Variants in POC5 observed in about 807,000 individuals in gnomAD.
The protein encoded by POC5 is centrosomal protein POC5.
POC5 carries 48 observed loss-of-function variants against 62.9 expected under a neutral mutation model. The observed-to-expected ratio is 0.76, with a 90% CI of 0.61 to 0.97. The LOEUF (loss-of-function observed/expected upper bound fraction) is 0.97. POC5 is among the 50% of genes least tolerant of loss of function. The probability of loss-of-function intolerance (pLI) is 0.00; values close to 1 mark genes in which losing one functional copy is unlikely to be tolerated. For synonymous variants in POC5, 236 were observed against 228.2 expected, an observed-to-expected ratio of 1.03 and a Z score of -0.31; for missense variants, 696 against 679.5, an observed-to-expected ratio of 1.02 and a Z score of -0.27.
intron 11 of POC5, among the ~76,000 whole-genome samples, chr5:75,676,185 C>T (rs1183427299): frequency 6.6e-6 from 1 of 152,202 alleles, no homozygotes; most frequent in Non-Finnish European, 1.5e-5. Flanking sequence ...AAAAAATAAA[C>T]ACACATGTGC....
intron 5 of POC5, among the ~76,000 whole-genome samples, chr5:75,697,313 C>T (rs4703680): frequency 0.24 from 37,056 of 151,760 alleles, 4,700 homozygotes; most frequent in South Asian, 0.32. Context: ...AGAGAAAGGT[C>T]GGGTTACCCT....
chr5:75,685,614 T>A lies in POC5; in HGVS notation c.1130-130A>T, dbSNP rs531078776. Reference sequence around the variant, plus strand: ...ATTTAGATGTTTACAGTATATTAGATACAATGTTCAGTTAATACAGTTTGT... The same window carrying A: ...ATTTAGATGTTTACAGTATATTAGAAACAATGTTCAGTTAATACAGTTTGT... On this transcript the variant is annotated intron_variant, in intron 9 of 11. Transcript: ENST00000428202. The A allele has an allele frequency of 1.2e-3, 1,100 of 893,732 alleles. 3 individuals are homozygous for A. Among genetic ancestry groups the A allele is most frequent in the Non-Finnish European group, 1.3e-3 (782 of 588,094 alleles). The allele number at this position is 893,732 out of a possible 1,614,324, so 55.4% of individuals were successfully genotyped here.
At chr5:75,701,962 C>T (rs1055066193) in intron 5 of POC5, among the ~76,000 whole-genome samples, 7 of 152,200 alleles carry the variant, frequency 4.6e-5, no homozygotes, top group Non-Finnish European at 8.8e-5. Context: ...GGTAAAGGCA[C>T]AGTATGTCTC....
intron 11 of POC5, among the ~76,000 whole-genome samples, chr5:75,674,780 A>G (rs1775590938): frequency 6.6e-6 from 1 of 152,212 alleles, no homozygotes; most frequent in Non-Finnish European, 1.5e-5. Flanking sequence ...TGACATGTTC[A>G]ACACCCACAG....
At chr5:75,695,545 A>G (rs1430383511) in intron 5 of POC5, among the ~76,000 whole-genome samples, 1 of 152,162 alleles carries the variant, frequency 6.6e-6, no homozygotes, top group African/African-American at 2.4e-5. Flanking sequence ...AAAAATATAA[A>G]TGCCACAGAA....
At position 75,690,582 on chromosome 5, in the gene POC5, A is replaced by T; in HGVS notation, c.796-20T>A. Reference sequence around the variant, plus strand: ...ATAAACCTAAATAAAAGTAAAATATAACTTCAAAAACACAGTTGATTGATA... The same window carrying T: ...ATAAACCTAAATAAAAGTAAAATATTACTTCAAAAACACAGTTGATTGATA... On this transcript the variant is annotated intron_variant, in intron 7 of 11. Transcript: ENST00000428202. The T allele has an allele frequency of 6.6e-7, 1 of 1,507,094 alleles. No individual in the cohort carries two copies. The highest frequency in any genetic ancestry group is 9.0e-7 in the Non-Finnish European group (1 of 1,115,972). The allele number at this position is 1,507,094 out of a possible 1,614,324, so 93.4% of individuals were successfully genotyped here.
At position 75,677,925 on chromosome 5, in the gene POC5, G is replaced by C. The variant is rs1330790023; in HGVS notation, c.1433C>G (p.Ala478Gly). ...EMYVPRVVTS[A>G]QQKAGRTITA... Reference sequence around the variant, plus strand: ...AATAGTTCTTCCTGCTTTCTGTTGTGCAGAGGTTACAACTCTTGGCACATA... The same window carrying C: ...AATAGTTCTTCCTGCTTTCTGTTGTCCAGAGGTTACAACTCTTGGCACATA... The change falls in exon 11 of 12, where the codon GCA (alanine) becomes GGA (glycine). Residue 478 changes from alanine to glycine, a missense_variant. Physicochemically the swap from Ala to Gly is moderately conservative, Grantham distance 60. Transcript: ENST00000428202. The C allele has an allele frequency of 6.2e-7, 1 of 1,601,948 alleles. No individual in the cohort carries two copies. The highest frequency in any genetic ancestry group is 1.7e-5 in the Admixed American group (1 of 58,536).
intron 11 of POC5, 83 bp downstream of exon 11, chr5:75,677,684 ATCTTCTC>A (rs1775721469): frequency 1.9e-6 from 2 of 1,071,616 alleles, no homozygotes; most frequent in Middle Eastern, 4.8e-4. Context: ...ATAAATTTTT[ATCTTCTC>A]AACATGTTAT....
At chr5:75,702,028 G>A (rs1380707729) in intron 5 of POC5, among the ~76,000 whole-genome samples, 1 of 152,140 alleles carries the variant, frequency 6.6e-6, no homozygotes, top group East Asian at 1.9e-4. Flanking sequence ...GGAGCATGTA[G>A]AACCGTTCCA....
chr5:75,699,320 C>T (rs1159866231), intron 5 of POC5, among the ~76,000 whole-genome samples: 8 of 151,556 alleles, frequency 5.3e-5, no homozygotes, highest in East Asian at 3.9e-4. Flanking sequence ...AAATCCTCAA[C>T]AAAATACTGG....
intron 9 of POC5, among the ~76,000 whole-genome samples, chr5:75,688,381 G>A (rs750125324): frequency 2.0e-4 from 30 of 152,166 alleles, no homozygotes; most frequent in Non-Finnish European, 4.0e-4. Flanking sequence ...ATCTAAGGCC[G>A]AATGAGGAAA....
intron 9 of POC5, among the ~76,000 whole-genome samples, chr5:75,688,270 G>A (rs577615880): frequency 3.9e-4 from 59 of 152,256 alleles, no homozygotes; most frequent in African/African-American, 1.1e-3. Flanking sequence ...AGTGCATTTT[G>A]TCTTTTAAAG....
intron 9 of POC5, 121 bp from the exon 10 acceptor site, chr5:75,685,605 T>C: frequency 1.1e-6 from 1 of 935,660 alleles, no homozygotes; most frequent in Non-Finnish European, 1.6e-6. Context: ...ATGTTTACAG[T>C]ATATTAGATA....
intron 2 of POC5, among the ~76,000 whole-genome samples, chr5:75,709,836 C>T (rs1167052011): frequency 6.6e-6 from 1 of 152,204 alleles, no homozygotes; most frequent in Non-Finnish European, 1.5e-5. Context: ...TGCATAGAGA[C>T]TGTAACTAAT....
intron 5 of POC5, among the ~76,000 whole-genome samples, chr5:75,698,890 C>T (rs958363130): frequency 4.6e-5 from 7 of 152,132 alleles, no homozygotes; most frequent in African/African-American, 1.7e-4. Flanking sequence ...GGGGATATCA[C>T]CACCAATCCC....
At chr5:75,693,603 C>T (rs925956246) in intron 6 of POC5, among the ~76,000 whole-genome samples, 2 of 150,414 alleles carry the variant, frequency 1.3e-5, no homozygotes, top group Non-Finnish European at 3.0e-5. Flanking sequence ...AAGAAAATGA[C>T]TGACATTAAA....
chr5:75,691,924 G>T (rs1244042043), intron 7 of POC5, among the ~76,000 whole-genome samples: 2 of 152,094 alleles, frequency 1.3e-5, no homozygotes. Flanking sequence ...AAGCTGTACA[G>T]GTATGGCTTT....
chr5:75,678,464 C>T (rs997412945), intron 10 of POC5, among the ~76,000 whole-genome samples: 1 of 152,162 alleles, frequency 6.6e-6, no homozygotes, highest in Admixed American at 6.5e-5. Context: ...TCATATCCAT[C>T]TCTCTGTTCC....
In POC5 at chr5:75,679,827, G is replaced by C. The variant is rs75876633; in HGVS notation, c.1408-1877C>G. ...TCCTCTTATCTGTAATAAGTTAACA[G>C]ATAATGTTTGAAATTAATAAATGTA... On this transcript the variant is annotated intron_variant, in intron 10 of 11. Transcript: ENST00000428202. 3.3e-5 allele frequency among the ~76,000 whole-genome samples: 5 copies of C among 152,184 alleles called. No individual in the cohort carries two copies. The East Asian group carries it at 7.7e-4, about 23-fold the overall frequency.
Sources: allele counts gnomAD v4.1 joint callset (sites outside exome capture counted in the v4.1 genomes callset), GRCh38; gene constraint gnomAD v4.1.1; transcripts MANE v1.5; gene names NCBI Gene and HGNC (gene_info 2026-07-23, HGNC 2026-07-21).